The following CRACR2A variants were observed in gnomAD, a reference collection of about 807,000 sequenced individuals.
The protein encoded by CRACR2A is EF-hand calcium-binding domain-containing protein 4B.
CRACR2A carries 79 observed loss-of-function variants against 90.5 expected under a neutral mutation model. The ratio of observed to expected loss-of-function variants is 0.87; its 90% CI spans 0.73 to 1.05. The LOEUF is 1.05. CRACR2A is among the 50% of genes least tolerant of loss of function. CRACR2A has a pLI of 0.00. For missense variants in CRACR2A, 823 were observed against 897.2 expected, an observed-to-expected ratio of 0.92 and a Z score of 1.06; for synonymous variants, 338 against 356.7, an observed-to-expected ratio of 0.95 and a Z score of 0.59.
At chr12:3,637,554 C>T (rs113135273) in intron 14 of CRACR2A, among the ~76,000 whole-genome samples, 3,773 of 152,170 alleles carry the variant, frequency 0.025, 143 homozygotes, top group African/African-American at 0.085. Context: ...CAGTACCAAG[C>T]GTTATCAGTA....
At chr12:3,677,051 G>A (rs150269305) in intron 6 of CRACR2A, among the ~76,000 whole-genome samples, 302 of 151,832 alleles carry the variant, frequency 2.0e-3, no homozygotes, top group African/African-American at 6.5e-3. Context: ...TTAGCCAATC[G>A]GACCACCAAG....
At chr12:3,739,930 C>CAAAAA (rs11406842) in intron 1 of CRACR2A, among the ~76,000 whole-genome samples, 14 of 144,320 alleles carry the variant, frequency 9.7e-5, no homozygotes, top group South Asian at 2.2e-4. Context: ...GACTCCGTCT[C>CAAAAA]AAAAAAAAAA....
chr12:3,688,547 T>C (rs921658196), intron 4 of CRACR2A, among the ~76,000 whole-genome samples: 2 of 152,216 alleles, frequency 1.3e-5, no homozygotes, highest in African/African-American at 4.8e-5. Context: ...CATTTGTCTA[T>C]GTGTCTGTTT....
intron 2 of CRACR2A, among the ~76,000 whole-genome samples, chr12:3,716,367 T>A (rs879733043): frequency 2.0e-5 from 3 of 152,224 alleles, no homozygotes; most frequent in Admixed American, 6.5e-5. Context: ...TCCCACTTGT[T>A]TGAAAGTTCC....
At chr12:3,697,069 T>C in intron 3 of CRACR2A, 34 bp from the exon 4 acceptor site, 1 of 1,528,010 alleles carries the variant, frequency 6.5e-7, no homozygotes, top group Non-Finnish European at 8.8e-7. Flanking sequence ...GAAGTGGGTG[T>C]GGTGGGTTGG....
At chr12:3,738,360 T>G (rs1333524981) in intron 1 of CRACR2A, among the ~76,000 whole-genome samples, 1 of 152,168 alleles carries the variant, frequency 6.6e-6, no homozygotes, top group Non-Finnish European at 1.5e-5. Flanking sequence ...TAAAAATGAC[T>G]GTAATGTATT....
rs190913136 is a variant in CRACR2A at position 3,724,094 on chromosome 12, C to T, written c.-118+8848G>A. Among the ~76,000 whole-genome samples, 126 of 152,286 alleles carry T rather than the reference C, an allele frequency of 8.3e-4. 2 individuals carry two copies. The highest frequency in any genetic ancestry group is 2.9e-3 in the African/African-American group (120 of 41,542). The stretch of plus-strand genomic sequence containing the variant: ...CCTTCCAATCCAGGCCCCCAGCACC[C>T]GGCCCTAGTGCTCAGTGCATCACAG... On this transcript the variant is annotated intron_variant, in intron 2 of 19. Transcript: ENST00000440314.
intron 3 of CRACR2A, among the ~76,000 whole-genome samples, chr12:3,707,406 G>A (rs1945943542): frequency 6.6e-6 from 1 of 152,222 alleles, no homozygotes; most frequent in African/African-American, 2.4e-5. Context: ...CCTTGATAAT[G>A]ATTTGAGGTC....
intron 3 of CRACR2A, among the ~76,000 whole-genome samples, chr12:3,709,885 C>T (rs1018266596): frequency 1.3e-5 from 2 of 152,228 alleles, no homozygotes; most frequent in African/African-American, 4.8e-5. Context: ...AAATAATGCA[C>T]CCAGCATATC....
chr12:3,628,868 G>C (rs994650946), intron 15 of CRACR2A, among the ~76,000 whole-genome samples: 1 of 152,140 alleles, frequency 6.6e-6, no homozygotes, highest in African/African-American at 2.4e-5. Context: ...GGTCATCCCA[G>C]CCACTGCCGC....
chr12:3,750,382 C>T (rs573433798), intron 1 of CRACR2A, among the ~76,000 whole-genome samples: 4 of 152,188 alleles, frequency 2.6e-5, no homozygotes, highest in Admixed American at 6.5e-5. Flanking sequence ...ACCATGATTT[C>T]GCAAAGACTC....
At chr12:3,706,757 C>G (rs1026925523) in intron 3 of CRACR2A, among the ~76,000 whole-genome samples, 1 of 152,130 alleles carries the variant, frequency 6.6e-6, no homozygotes, top group African/African-American at 2.4e-5. Flanking sequence ...TGTGCCACCA[C>G]GCCCAGCTAA....
intron 10 of CRACR2A, among the ~76,000 whole-genome samples, chr12:3,653,893 T>C (rs952774669): frequency 6.6e-6 from 1 of 152,248 alleles, no homozygotes; most frequent in Non-Finnish European, 1.5e-5. Context: ...TTGTTTTATA[T>C]AGTCATAAAG....
intron 9 of CRACR2A, among the ~76,000 whole-genome samples, chr12:3,655,631 G>A (rs572395030): frequency 6.6e-6 from 1 of 152,348 alleles, no homozygotes; most frequent in East Asian, 1.9e-4. Context: ...CTAAGTAGGA[G>A]GCTTGCCTAG....
At chr12:3,681,976 A>G (rs1405026116) in intron 4 of CRACR2A, among the ~76,000 whole-genome samples, 1 of 152,224 alleles carries the variant, frequency 6.6e-6, no homozygotes, top group Non-Finnish European at 1.5e-5. Context: ...TTCTGGAAGT[A>G]TATCTGCTTA....
intron 4 of CRACR2A, among the ~76,000 whole-genome samples, chr12:3,693,143 G>T (rs1000572003): frequency 6.6e-6 from 1 of 152,202 alleles, no homozygotes; most frequent in Admixed American, 6.5e-5. Flanking sequence ...CACATGCACC[G>T]GCAAAGCAAT....
intron 14 of CRACR2A, among the ~76,000 whole-genome samples, 170 bp downstream of exon 14, chr12:3,637,954 A>G (rs773984409): frequency 4.6e-5 from 7 of 152,216 alleles, no homozygotes; most frequent in Non-Finnish European, 1.0e-4. Context: ...GTCTCCCCGC[A>G]TGACACTCAG....
chr12:3,630,229 C>T (rs959616246), intron 15 of CRACR2A, among the ~76,000 whole-genome samples: 10 of 152,148 alleles, frequency 6.6e-5, no homozygotes, highest in African/African-American at 2.4e-4. Context: ...TGAATTGCTT[C>T]CCGAAGGATG....
chr12:3,673,136 C>T (rs564412392), intron 7 of CRACR2A, among the ~76,000 whole-genome samples: 6 of 152,272 alleles, frequency 3.9e-5, no homozygotes, highest in African/African-American at 1.4e-4. Flanking sequence ...TCCAACCCTC[C>T]GCCTGCAAAA....
Sources: allele counts gnomAD v4.1 joint callset (sites outside exome capture counted in the v4.1 genomes callset), GRCh38; gene constraint gnomAD v4.1.1; transcripts MANE v1.5; gene names NCBI Gene and HGNC (gene_info 2026-07-23, HGNC 2026-07-21).